CSMD1: variants seen among roughly 807,000 people sequenced by gnomAD.
The protein encoded by CSMD1 is CUB and sushi domain-containing protein 1.
A neutral mutation model predicts 417.5 loss-of-function variants in CSMD1; 213 were observed. The ratio of observed to expected loss-of-function variants is 0.51; its 90% CI spans 0.46 to 0.57. The LOEUF (loss-of-function observed/expected upper bound fraction) is 0.57. Among genes scored for constraint, CSMD1 ranks in the 20% least tolerant of loss-of-function variants. CSMD1 has a pLI of 0.00. For missense variants in CSMD1, 6,923 were observed against 4,529.7 expected (o/e 1.53, Z -15.17); for synonymous variants, 2,862 against 1,736.8 (o/e 1.65, Z -16.11).
chr8:4,168,444 G>T (rs1273965455), intron 3 of CSMD1, among the ~76,000 whole-genome samples: 1 of 151,646 alleles, frequency 6.6e-6, no homozygotes, highest in Non-Finnish European at 1.5e-5. Context: ...TAGTAATATT[G>T]CAATATAACG....
intron 3 of CSMD1, among the ~76,000 whole-genome samples, chr8:4,167,792 C>G (rs1254134033): frequency 6.6e-6 from 1 of 152,094 alleles, no homozygotes; most frequent in East Asian, 1.9e-4. Flanking sequence ...GAGTTTGAGA[C>G]TAGCCTGGGC....
At chr8:3,811,568 C>G (rs1033599769) in intron 5 of CSMD1, among the ~76,000 whole-genome samples, 4 of 152,240 alleles carry the variant, frequency 2.6e-5, no homozygotes, top group Middle Eastern at 3.4e-3. Context: ...TGACCACATC[C>G]TCGGTCAAGG....
At chr8:4,263,292 A>G (rs1039795427) in intron 3 of CSMD1, among the ~76,000 whole-genome samples, 5 of 152,180 alleles carry the variant, frequency 3.3e-5, no homozygotes, top group African/African-American at 1.2e-4. Flanking sequence ...AATGTACGGT[A>G]CAGATTTACT....
chr8:3,943,498 C>G (rs556562594), intron 5 of CSMD1, among the ~76,000 whole-genome samples: 2 of 141,778 alleles, frequency 1.4e-5, no homozygotes, highest in South Asian at 2.2e-4. Context: ...AATTAGTGAA[C>G]AGAAGTATTA....
chr8:4,399,908 G>T (rs551704651), intron 3 of CSMD1, among the ~76,000 whole-genome samples: 1 of 152,152 alleles, frequency 6.6e-6, no homozygotes, highest in Non-Finnish European at 1.5e-5. Flanking sequence ...GCTCTCATGA[G>T]AAGTAAAAGG....
intron 10 of CSMD1, among the ~76,000 whole-genome samples, chr8:3,538,540 G>C (rs565841479): frequency 5.3e-5 from 8 of 152,230 alleles, no homozygotes; most frequent in Admixed American, 4.6e-4. Flanking sequence ...CCTCGCCTGC[G>C]ATGCCGCACT....
In CSMD1 at chr8:4,462,428, T is replaced by C. The variant is rs927687418; in HGVS notation, c.303-42363A>G. On this transcript the variant is annotated intron_variant, in intron 2 of 69. Coordinates refer to ENST00000635120, the MANE Select transcript of CSMD1 (RefSeq NM_033225.6). Reference sequence around the variant, plus strand: ...AAGATGGCAATACTCCCCAAATTGATTAGCAAATTTAACATAATTCCTATT... The same window carrying C: ...AAGATGGCAATACTCCCCAAATTGACTAGCAAATTTAACATAATTCCTATT... 3.3e-5 allele frequency among the ~76,000 whole-genome samples: 5 copies of C among 152,234 alleles called. No individual in the cohort carries two copies. The East Asian group carries it at 9.7e-4, about 29-fold the overall frequency.
chr8:4,959,243 T>C (rs143851841), intron 1 of CSMD1, among the ~76,000 whole-genome samples: 6 of 152,218 alleles, frequency 3.9e-5, no homozygotes, highest in Non-Finnish European at 8.8e-5. Context: ...ATTTTTAAAA[T>C]GGATTCTGGG....
intron 17 of CSMD1, among the ~76,000 whole-genome samples, chr8:3,395,903 A>C (rs2116852547): frequency 6.6e-6 from 1 of 152,284 alleles, no homozygotes; most frequent in East Asian, 1.9e-4. Flanking sequence ...TAATAGAAGT[A>C]TATTATTACT....
intron 3 of CSMD1, among the ~76,000 whole-genome samples, chr8:4,187,105 G>A (rs1204748268): frequency 6.6e-6 from 1 of 152,156 alleles, no homozygotes; most frequent in East Asian, 1.9e-4. Flanking sequence ...TTAAAATTCT[G>A]AAGAATTTCA....
At chr8:3,451,399 G>A (rs1815703054) in intron 12 of CSMD1, among the ~76,000 whole-genome samples, 1 of 152,190 alleles carries the variant, frequency 6.6e-6, no homozygotes, top group Non-Finnish European at 1.5e-5. Flanking sequence ...CCATGGCTAT[G>A]TCCTGAATGG....
intron 3 of CSMD1, among the ~76,000 whole-genome samples, chr8:4,353,633 C>T (rs938599256): frequency 2.0e-5 from 3 of 152,008 alleles, no homozygotes; most frequent in Non-Finnish European, 2.9e-5. Context: ...TCACGCCCAA[C>T]GGGACAGGCT....
chr8:4,030,621 C>T (rs532777214), intron 4 of CSMD1, among the ~76,000 whole-genome samples: 3 of 152,298 alleles, frequency 2.0e-5, no homozygotes, highest in Admixed American at 2.0e-4. Flanking sequence ...CTGTGAAGAC[C>T]TCTGACATGC....
chr8:4,118,162 A>G (rs1802269528), intron 3 of CSMD1, among the ~76,000 whole-genome samples: 1 of 152,090 alleles, frequency 6.6e-6, no homozygotes, highest in Non-Finnish European at 1.5e-5. Flanking sequence ...GTGGGAGCAG[A>G]GGGGTGTGTT....
At chr8:3,840,485 A>G (rs1246525266) in intron 5 of CSMD1, among the ~76,000 whole-genome samples, 1 of 152,178 alleles carries the variant, frequency 6.6e-6, no homozygotes, top group African/African-American at 2.4e-5. Flanking sequence ...TCAATAAATC[A>G]TTGACTGAAT....
At chr8:3,524,560 CAT>C (rs1797674702) in intron 10 of CSMD1, among the ~76,000 whole-genome samples, 1 of 151,068 alleles carries the variant, frequency 6.6e-6, no homozygotes, top group Non-Finnish European at 1.5e-5. Context: ...TGCACACACA[CAT>C]GCATACCCAG....
At chr8:4,433,180 G>A (rs1180878525) in intron 2 of CSMD1, among the ~76,000 whole-genome samples, 3 of 152,138 alleles carry the variant, frequency 2.0e-5, no homozygotes. Flanking sequence ...ATGGCGAGTT[G>A]TATAACTATT....
intron 5 of CSMD1, among the ~76,000 whole-genome samples, chr8:3,824,742 T>C (rs1050991016): frequency 6.6e-6 from 1 of 152,176 alleles, no homozygotes; most frequent in African/African-American, 2.4e-5. Flanking sequence ...AGAATTAAAA[T>C]GAGATGTGGC....
At chr8:4,473,256 T>G (rs981803017) in intron 2 of CSMD1, among the ~76,000 whole-genome samples, 1 of 152,212 alleles carries the variant, frequency 6.6e-6, no homozygotes, top group African/African-American at 2.4e-5. Context: ...AATTGTAAAC[T>G]CTCATGGTTA....
Sources: allele counts gnomAD v4.1 joint callset (sites outside exome capture counted in the v4.1 genomes callset), GRCh38; gene constraint gnomAD v4.1.1; transcripts MANE v1.5; gene names NCBI Gene and HGNC (gene_info 2026-07-23, HGNC 2026-07-21).